The following UBE2Z variants were observed in gnomAD, a reference collection of about 807,000 sequenced individuals.
UBE2Z encodes ubiquitin conjugating enzyme E2 Z, also known as ubiquitin-conjugating enzyme E2 Z.
Under a neutral mutation model 32.6 loss-of-function variants are expected in UBE2Z, and 10 were observed. That is an observed-to-expected ratio of 0.31 (90% confidence interval 0.19 to 0.52). The LOEUF (loss-of-function observed/expected upper bound fraction) is 0.52. Ranked by LOEUF, UBE2Z falls within the 20% of genes least tolerant of loss-of-function variation. UBE2Z has a pLI of 0.97. For synonymous variants in UBE2Z, 183 were observed against 190.8 expected (o/e 0.96, Z 0.34); for missense variants, 343 against 480.9 (o/e 0.71, Z 2.68).
In UBE2Z at chr17:48,928,935, T is replaced by G. The variant is rs2040816387; in HGVS notation, c.*1801T>G. The G allele has an allele frequency of 6.6e-6, 1 of 152,662 alleles. No homozygotes were observed. The highest frequency in any genetic ancestry group is 1.5e-5 in the Non-Finnish European group (1 of 68,036). The allele number at this position is 152,662 out of a possible 1,614,324, so 9.5% of individuals were successfully genotyped here. On this transcript the variant is annotated 3_prime_UTR_variant, in exon 7 of 7. Transcript: ENST00000360943. ...CAGCCTGACTTTTATGCCCTAATCT[T>G]GAGTTGAGGAAATATATGCACAGGA...
intron 6 of UBE2Z, among the ~76,000 whole-genome samples, chr17:48,926,375 C>T (rs926138454): frequency 2.0e-5 from 3 of 152,056 alleles, no homozygotes; most frequent in Admixed American, 6.6e-5. Flanking sequence ...TCTATCTCAC[C>T]CTTATTGTCC....
At chr17:48,914,951 G>A (rs1418462844) in intron 3 of UBE2Z, among the ~76,000 whole-genome samples, 1 of 152,168 alleles carries the variant, frequency 6.6e-6, no homozygotes, top group East Asian at 1.9e-4. Context: ...AACCTGGGAG[G>A]CAGAGGTTGC....
intron 6 of UBE2Z, among the ~76,000 whole-genome samples, chr17:48,925,034 G>A (rs1389965031): frequency 6.6e-6 from 1 of 151,806 alleles, no homozygotes; most frequent in Non-Finnish European, 1.5e-5. Flanking sequence ...TGTGATCCCA[G>A]TACTTTGGTA....
chr17:48,923,320 CAAAAAAAAAAAAAAA>C, intron 6 of UBE2Z, among the ~76,000 whole-genome samples: 1 of 102,084 alleles, frequency 9.8e-6, no homozygotes, highest in African/African-American at 5.7e-5. Context: ...GACTCTGTCT[CAAAAAAAAAAAAAAA>C]AAAAAAAAAA....
intron 3 of UBE2Z, among the ~76,000 whole-genome samples, chr17:48,913,552 A>G (rs574132777): frequency 1.3e-5 from 2 of 152,202 alleles, no homozygotes; most frequent in South Asian, 4.1e-4. Context: ...ACGGAGTTTC[A>G]CCATGTTGGC....
intron 6 of UBE2Z, among the ~76,000 whole-genome samples, chr17:48,923,649 A>G (rs905790953): frequency 1.7e-5 from 2 of 117,926 alleles, no homozygotes; most frequent in Non-Finnish European, 4.0e-5. Flanking sequence ...AGCAACCTAT[A>G]TCATTTGAGG....
intron 4 of UBE2Z, among the ~76,000 whole-genome samples, chr17:48,919,460 T>G (rs2040744054): frequency 6.6e-6 from 1 of 152,140 alleles, no homozygotes; most frequent in African/African-American, 2.4e-5. Context: ...TTTCGAAGCT[T>G]CTGATAGATT....
At chr17:48,910,979 A>T in intron 2 of UBE2Z, 99 bp downstream of exon 2, 1 of 975,376 alleles carries the variant, frequency 1.0e-6, no homozygotes, top group Non-Finnish European at 1.6e-6. Context: ...CTCCGATTAC[A>T]CAGATGAAGA....
At position 48,908,647 on chromosome 17, in the gene UBE2Z, G is replaced by T; in HGVS notation, c.144G>T (p.Ala48=). 8.2e-7 allele frequency: 1 copy of T among 1,225,914 alleles called. No individual in the cohort carries two copies. 75.9% of individuals were successfully genotyped at this position (1,225,914 alleles called of 1,614,324 possible). Residue 48 remains alanine (A), a synonymous_variant, in exon 1 of 7, where the codon GCG becomes GCT. Transcript: ENST00000360943. ...GPPFLPDVWA[A]AAAAGGAGGP... ...CTTTCCTGCCGGATGTGTGGGCGGC[G>T]GCGGCGGCAGCGGGCGGGGCCGGGG...
chr17:48,916,029 C>G (rs1015540587), intron 3 of UBE2Z, 47 bp from the exon 4 acceptor site: 29 of 1,381,056 alleles, frequency 2.1e-5, no homozygotes, highest in Non-Finnish European at 2.9e-5. Context: ...TACTTGTTCC[C>G]TATTCTTTCT....
chr17:48,917,407 A>G (rs2143767070), intron 4 of UBE2Z, among the ~76,000 whole-genome samples: 1 of 152,230 alleles, frequency 6.6e-6, no homozygotes, highest in African/African-American at 2.4e-5. Context: ...TCCTTTGGAA[A>G]TTAATTCTGA....
intron 4 of UBE2Z, among the ~76,000 whole-genome samples, chr17:48,918,526 G>A (rs895627460): frequency 2.6e-5 from 4 of 151,796 alleles, no homozygotes; most frequent in African/African-American, 7.3e-5. Flanking sequence ...TAGAGGTGGC[G>A]TTTCACCATG....
chr17:48,920,333 A>G (rs568600064), intron 4 of UBE2Z, among the ~76,000 whole-genome samples: 11 of 152,104 alleles, frequency 7.2e-5, no homozygotes, highest in South Asian at 2.1e-4. Context: ...TGTCTCTACT[A>G]AAAAATACAA....
At chr17:48,920,670 C>T (rs1356733502) in intron 4 of UBE2Z, among the ~76,000 whole-genome samples, 1 of 152,052 alleles carries the variant, frequency 6.6e-6, no homozygotes, top group Non-Finnish European at 1.5e-5. Flanking sequence ...TGCACTCCAG[C>T]CTGGGCAACA....
At chr17:48,926,866 G>A in intron 6 of UBE2Z, 98 bp from the exon 7 acceptor site, 1 of 1,355,438 alleles carries the variant, frequency 7.4e-7, no homozygotes, top group Non-Finnish European at 1.0e-6. Flanking sequence ...CCATGGCTCA[G>A]AAGTTGAGCT....
At chr17:48,926,872 G>T in intron 6 of UBE2Z, 92 bp from the exon 7 acceptor site, 1 of 1,395,200 alleles carries the variant, frequency 7.2e-7, no homozygotes, top group South Asian at 1.4e-5. Context: ...CTCAGAAGTT[G>T]AGCTTTCATT....
At chr17:48,917,072 C>A (rs986241278) in intron 4 of UBE2Z, among the ~76,000 whole-genome samples, 1 of 151,436 alleles carries the variant, frequency 6.6e-6, no homozygotes, top group East Asian at 1.9e-4. Flanking sequence ...TTTGGGAGGC[C>A]GAGGCGGGCA....
In UBE2Z at chr17:48,908,645, G is replaced by C; in HGVS notation, c.142G>C (p.Ala48Pro). The C allele has an allele frequency of 1.3e-5, 16 of 1,227,212 alleles. No individual in the cohort carries two copies. The highest frequency in any genetic ancestry group is 1.4e-5 in the Non-Finnish European group (14 of 983,124). 76.0% of individuals were successfully genotyped at this position (1,227,212 alleles called of 1,614,324 possible). ...GCCTTTCCTGCCGGATGTGTGGGCG[G>C]CGGCGGCGGCAGCGGGCGGGGCCGG... ...GPPFLPDVWA[A>P]AAAAGGAGGP... The change falls in exon 1 of 7, where the codon GCG becomes CCG. Residue 48 changes from alanine to proline, a missense_variant. Physicochemically the swap from Ala to Pro is conservative, Grantham distance 27. Transcript: ENST00000360943.
At chr17:48,909,740 T>C (rs1157422717) in intron 1 of UBE2Z, among the ~76,000 whole-genome samples, 2 of 152,118 alleles carry the variant, frequency 1.3e-5, no homozygotes, top group African/African-American at 4.8e-5. Context: ...GGCAGTGCTC[T>C]TTAGCTATTA....
Sources: allele counts gnomAD v4.1 joint callset (sites outside exome capture counted in the v4.1 genomes callset), GRCh38; gene constraint gnomAD v4.1.1; transcripts MANE v1.5; gene names NCBI Gene and HGNC (gene_info 2026-07-23, HGNC 2026-07-21).